Variants in LCAT observed in about 807,000 individuals in gnomAD.
LCAT encodes the protein phosphatidylcholine-sterol acyltransferase.
A neutral mutation model predicts 41.0 loss-of-function variants in LCAT; 15 were observed. The observed-to-expected ratio is 0.37, with a 90% confidence interval of 0.24 to 0.56. LCAT has a LOEUF of 0.56. LCAT is among the 20% of genes least tolerant of loss of function. The pLI, the probability that LCAT is intolerant of heterozygous loss-of-function variation, is 0.81. For synonymous variants in LCAT, 248 were observed against 245.4 expected (o/e 1.01, Z -0.10); for missense variants, 449 against 595.1 (o/e 0.75, Z 2.55).
At chr16:67,941,312 TAAATAAAC>T (rs2058289399) in intron 5 of LCAT, 1 of 148,826 alleles carries the variant, frequency 6.7e-6, no homozygotes, top group African/African-American at 2.5e-5. Flanking sequence ...TCAAAATACA[TAAATAAAC>T]AAATAAACAT....
Position 67,943,964 on chromosome 16 carries a change from T to C in LCAT, c.138A>G (p.Thr46=), listed in dbSNP as rs1375356036. 7 of 1,547,276 alleles carry C rather than the reference T, an allele frequency of 4.5e-6. No homozygotes were observed. Among genetic ancestry groups the C allele is most frequent in the Admixed American group, 3.9e-5 (2 of 50,820 alleles). The part of the protein sequence containing the change: ...TTPKAELSNH[T]RPVILVPGCL... Reference sequence around the variant, plus strand: ...GGGGCTTACCGAGGATGACGGGCCGTGTGTGGTTACTGAGCTCAGCCTTGG... The same window carrying C: ...GGGGCTTACCGAGGATGACGGGCCGCGTGTGGTTACTGAGCTCAGCCTTGG... The change falls in exon 1 of 6, where the codon ACA becomes ACG. Residue 46 remains threonine (T), a synonymous_variant. Transcript: ENST00000264005. The surrounding 1 kb of genome is among the most constrained non-coding windows in gnomAD (Gnocchi z 4.6).
Position 67,942,107 on chromosome 16 carries a change from C to G in LCAT, c.748+256G>C. On this transcript the variant is annotated intron_variant, in intron 5 of 5. Coordinates refer to ENST00000264005, the MANE Select transcript of LCAT (RefSeq NM_000229.2). The surrounding 1 kb of genome is among the most constrained non-coding windows in gnomAD (Gnocchi z 6.6). Reference sequence around the variant, plus strand: ...GGCTCTGGGGCTACAAGAACAAACCCTGGGAGCAGATAGCTGGGATTCACT... The same window carrying G: ...GGCTCTGGGGCTACAAGAACAAACCGTGGGAGCAGATAGCTGGGATTCACT... 1.4e-6 allele frequency: 2 copies of G among 1,393,354 alleles called. No homozygotes were observed. The highest frequency in any genetic ancestry group is 1.9e-6 in the Non-Finnish European group (2 of 1,067,934). 86.3% of individuals were successfully genotyped at this position (1,393,354 alleles called of 1,614,324 possible).
At chr16:67,941,745 T>C (rs2058292040) in intron 5 of LCAT, 2 of 1,001,810 alleles carry the variant, frequency 2.0e-6, no homozygotes, top group South Asian at 8.5e-5. Context: ...GTCTTTCTGC[T>C]CCTTGTGTGG....
intron 5 of LCAT, chr16:67,941,826 T>G: frequency 9.6e-7 from 1 of 1,040,460 alleles, no homozygotes; most frequent in Non-Finnish European, 1.2e-6. Context: ...TGTTTGATGT[T>G]TATTGGTGGT....
At chr16:67,941,026 G>A (rs1027618984) in intron 5 of LCAT, among the ~76,000 whole-genome samples, 3 of 151,258 alleles carry the variant, frequency 2.0e-5, no homozygotes, top group Admixed American at 6.6e-5. Context: ...AAATAGGGCC[G>A]GGTACGGTGG....
In LCAT at chr16:67,943,047, T is replaced by C; in HGVS notation, c.311+9A>G. ...CGTGTTGGGGCTAGGGTGGAGCACA[T>C]GGCTGTACCTGGTGTTATCGATCCA... On this transcript the variant is annotated intron_variant, in intron 2 of 5. Coordinates refer to ENST00000264005, the MANE Select transcript of LCAT (RefSeq NM_000229.2). This position sits in a 1 kb window ranked among gnomAD's most constrained non-coding sequence, Gnocchi z 4.6. 1 of 1,613,898 alleles carries C rather than the reference T, an allele frequency of 6.2e-7. No individual in the cohort carries two copies. The highest frequency in any genetic ancestry group is 8.5e-7 in the Non-Finnish European group (1 of 1,179,908).
chr16:67,942,386 T>C lies in LCAT; in HGVS notation c.725A>G (p.Lys242Arg), dbSNP rs202180445. 6.8e-6 allele frequency: 11 copies of C among 1,613,808 alleles called. No individual in the cohort carries two copies. Among genetic ancestry groups the C allele is most frequent in the Non-Finnish European group, 9.3e-6 (11 of 1,179,996 alleles). ...ACCTGAGGCCAAGACCAGCATGGGC[T>C]TGATGGAGCCACCCCAGGGAGCCCC... ...SLGAPWGGSI[K>R]PMLVLASGDN... The change falls in exon 5 of 6, where the codon AAG becomes AGG. Residue 242 changes from lysine to arginine, a missense_variant. Transcript: ENST00000264005. The surrounding 1 kb of genome is among the most constrained non-coding windows in gnomAD (Gnocchi z 6.6).
Position 67,942,791 on chromosome 16 carries a change from G to C in LCAT, c.428-25C>G. ...CCTGTGGGGGGACCAGCAGCACCGG[G>C]GGCTTGGGCCATGCCTGCTGTGGGC... is the stretch of plus-strand genomic sequence containing the variant. On this transcript the variant is annotated intron_variant, in intron 3 of 5. Transcript: ENST00000264005. This position sits in a 1 kb window ranked among gnomAD's most constrained non-coding sequence, Gnocchi z 6.6. 6.2e-7 allele frequency: 1 copy of C among 1,612,770 alleles called. No homozygotes were observed. The highest frequency in any genetic ancestry group is 1.6e-4 in the Middle Eastern group (1 of 6,062).
At position 67,942,398 on chromosome 16, in the gene LCAT, C is replaced by T. The variant is rs1395604405; in HGVS notation, c.713G>A (p.Gly238Asp). 1.2e-6 allele frequency: 2 copies of T among 1,613,952 alleles called. No homozygotes were observed. Among genetic ancestry groups the T allele is most frequent in the Non-Finnish European group, 1.7e-6 (2 of 1,179,990 alleles). Residue 238 changes from glycine (G) to aspartate (D), a missense_variant, in exon 5 of 6, where the codon GGT becomes GAT. Transcript: ENST00000264005. The surrounding 1 kb of genome is among the most constrained non-coding windows in gnomAD (Gnocchi z 6.6). ...DGFISLGAPW[G>D]GSIKPMLVLA... ...GACCAGCATGGGCTTGATGGAGCCA[C>T]CCCAGGGAGCCCCAAGAGAGATGAA...
At position 67,942,390 on chromosome 16, in the gene LCAT, T is replaced by C; in HGVS notation, c.721A>G (p.Ile241Val). Residue 241 changes from isoleucine (I) to valine (V), a missense_variant, in exon 5 of 6, where the codon ATC becomes GTC. Physicochemically the swap from Ile to Val is conservative, Grantham distance 29 (BLOSUM62 3). Coordinates refer to ENST00000264005, the MANE Select transcript of LCAT (RefSeq NM_000229.2). The surrounding 1 kb of genome is among the most constrained non-coding windows in gnomAD (Gnocchi z 6.6). ...GAGGCCAAGACCAGCATGGGCTTGA[T>C]GGAGCCACCCCAGGGAGCCCCAAGA... is the stretch of plus-strand genomic sequence containing the variant. ...ISLGAPWGGS[I>V]KPMLVLASGD... The C allele has an allele frequency of 6.2e-7, 1 of 1,613,904 alleles. No individual in the cohort carries two copies.
chr16:67,941,731 A>G (rs1327644389), intron 5 of LCAT: 2 of 996,780 alleles, frequency 2.0e-6, no homozygotes, highest in Non-Finnish European at 2.4e-6. Flanking sequence ...TCCCTCGGGC[A>G]TGTGTCTTTC....
chr16:67,941,022 G>A (rs1192798233), intron 5 of LCAT, among the ~76,000 whole-genome samples: 8 of 151,906 alleles, frequency 5.3e-5, no homozygotes, highest in Admixed American at 5.2e-4. Flanking sequence ...AAATAAATAG[G>A]GCCGGGTACG....
Position 67,940,235 on chromosome 16 carries a change from G to GGTGCTGGGAGTC in LCAT, c.980_991dup (p.Ala330_Pro331insArgLeuProAla), listed in dbSNP as rs1291163820. ...GTAAAGACAGTATACTTCCACACCA[G>GGTGCTGGGAGTC]GTGCTGGGAGTCCTGCCAGGAGGTC... On this transcript the variant is annotated inframe_insertion, in exon 6 of 6. Transcript: ENST00000264005. 1 of 1,613,446 alleles carries GGTGCTGGGAGTC rather than the reference G, an allele frequency of 6.2e-7. No individual in the cohort carries two copies. Among genetic ancestry groups the GGTGCTGGGAGTC allele is most frequent in the Non-Finnish European group, 8.5e-7 (1 of 1,180,008 alleles).
In LCAT at chr16:67,940,212, A is replaced by G. The variant is rs375740669; in HGVS notation, c.1015T>C (p.Tyr339His). The change falls in exon 6 of 6, where the codon TAC becomes CAC. Residue 339 changes from tyrosine to histidine, a missense_variant. Tyr to His is a moderately conservative substitution (Grantham distance 83, BLOSUM62 2). Coordinates refer to ENST00000264005, the MANE Select transcript of LCAT (RefSeq NM_000229.2). ...CGGGGCGTGGGCAGGCCCACGCCGT[A>G]AAGACAGTATACTTCCACACCAGGT... ...PAPGVEVYCL[Y>H]GVGLPTPRTY... 6.2e-7 allele frequency: 1 copy of G among 1,612,986 alleles called. No individual in the cohort carries two copies. Among genetic ancestry groups the G allele is most frequent in the Non-Finnish European group, 8.5e-7 (1 of 1,180,012 alleles).
chr16:67,942,843 C>T lies in LCAT; in HGVS notation c.427+18G>A, dbSNP rs1343241428. ...AGCACCCAGGCCTGGAGCCCCAGCC[C>T]TGCCCTCTGACACAAACCTGCCAGC... On this transcript the variant is annotated intron_variant, in intron 3 of 5. Transcript: ENST00000264005. This position sits in a 1 kb window ranked among gnomAD's most constrained non-coding sequence, Gnocchi z 6.6. The T allele has an allele frequency of 3.1e-6, 5 of 1,613,210 alleles. No individual in the cohort carries two copies. Among genetic ancestry groups the T allele is most frequent in the Non-Finnish European group, 4.2e-6 (5 of 1,179,892 alleles).
At chr16:67,941,636 C>A in intron 5 of LCAT, 1 of 984,882 alleles carries the variant, frequency 1.0e-6, no homozygotes, top group Non-Finnish European at 1.2e-6. Flanking sequence ...AAAAAGTAGG[C>A]GGGGCTTCCT....
In LCAT at chr16:67,942,672, G is replaced by GGGCTCCAGCCGCCAGTCATAGGGGGC; in HGVS notation, c.496_521dup (p.Gly175ProfsTer98). 6.2e-7 allele frequency: 1 copy of GGGCTCCAGCCGCCAGTCATAGGGGGC among 1,612,806 alleles called. No individual in the cohort carries two copies. Among genetic ancestry groups the GGGCTCCAGCCGCCAGTCATAGGGGGC allele is most frequent in the Non-Finnish European group, 8.5e-7 (1 of 1,179,934 alleles). The stretch of plus-strand genomic sequence containing the variant: ...CCGGTCATCCGCAGAGACACTCACC[G>GGGCTCCAGCCGCCAGTCATAGGGGGC]GGCTCCAGCCGCCAGTCATAGGGGG... On this transcript the variant is annotated frameshift_variant and splice_region_variant, in exon 4 of 6. Coordinates refer to ENST00000264005, the MANE Select transcript of LCAT (RefSeq NM_000229.2). LOFTEE classifies it high-confidence loss of function. This position sits in a 1 kb window ranked among gnomAD's most constrained non-coding sequence, Gnocchi z 6.6.
Position 67,942,490 on chromosome 16 carries a change from G to C in LCAT, c.621C>G (p.Gly207=), listed in dbSNP as rs370602125. Reference sequence around the variant, plus strand: ...GCAGGAAATAGAGCAAGTGTAGACAGCCGAGGCTGTGGCCAATGAGGAAGA... The same window carrying C: ...GCAGGAAATAGAGCAAGTGTAGACACCCGAGGCTGTGGCCAATGAGGAAGA... The part of the protein sequence containing the change: ...KPVFLIGHSL[G]CLHLLYFLLR... Residue 207 remains glycine, a synonymous_variant, in exon 5 of 6, where the codon GGC becomes GGG. Coordinates refer to ENST00000264005, the MANE Select transcript of LCAT (RefSeq NM_000229.2). This position sits in a 1 kb window ranked among gnomAD's most constrained non-coding sequence, Gnocchi z 6.6. 126 of 1,613,664 alleles carry C rather than the reference G, an allele frequency of 7.8e-5. No individual in the cohort carries two copies. The highest frequency in any genetic ancestry group is 1.1e-4 in the Non-Finnish European group (124 of 1,180,000).
Position 67,943,654 on chromosome 16 carries a change from A to T in LCAT, c.154+294T>A. The stretch of plus-strand genomic sequence containing the variant: ...GAAGGAGTGGTGGGGCTTGGCCCAG[A>T]GTCTGGTGTGGCTGTGACTGACCAC... On this transcript the variant is annotated intron_variant, in intron 1 of 5. Transcript: ENST00000264005. The surrounding 1 kb of genome is among the most constrained non-coding windows in gnomAD (Gnocchi z 4.6). The T allele has an allele frequency of 1.9e-6, 1 of 529,104 alleles. No homozygotes were observed. 32.8% of individuals were successfully genotyped at this position (529,104 alleles called of 1,614,324 possible).
Sources: gnomAD v4.1 joint callset for allele counts (sites outside exome capture counted in the v4.1 genomes callset) on GRCh38, gnomAD v4.1.1 for gene constraint, Gnocchi (gnomAD v3.1) non-coding constraint, MANE v1.5 for transcripts, NCBI Gene and HGNC (gene_info 2026-07-23, HGNC 2026-07-21) for gene names.